Variants in CLXN observed in about 807,000 individuals in gnomAD.
The protein encoded by CLXN is calaxin, also known as EF-hand calcium binding domain 1.
chr8:48,729,121 G>C, the CLXN span: 1 of 1,613,390 alleles, frequency 6.2e-7, no homozygotes. Context: ...GTCTGCAAAA[G>C]ACAGCTTCCC....
the CLXN span, among the ~76,000 whole-genome samples, chr8:48,734,937 C>A: frequency 3.9e-5 from 6 of 152,158 alleles, no homozygotes; most frequent in Admixed American, 3.3e-4. Context: ...GGGATTCCCT[C>A]TCTGACTTCT....
chr8:48,729,029 G>C, the CLXN span: 1 of 1,590,520 alleles, frequency 6.3e-7, no homozygotes, highest in South Asian at 1.1e-5. Flanking sequence ...TTCAGGGAAA[G>C]TCATATCAAT....
chr8:48,710,902 C>T, the CLXN span: 2 of 152,230 alleles, frequency 1.3e-5, no homozygotes, highest in African/African-American at 4.8e-5. Flanking sequence ...GCTGATGTAA[C>T]TATGAGCATC....
chr8:48,727,732 A>G, the CLXN span, among the ~76,000 whole-genome samples: 2 of 152,134 alleles, frequency 1.3e-5, no homozygotes, highest in Admixed American at 6.5e-5. Context: ...TTGCATTTTA[A>G]ACATACTGGA....
the CLXN span, among the ~76,000 whole-genome samples, chr8:48,726,902 T>TATCTATCTATCC: frequency 4.4e-5 from 6 of 136,536 alleles, no homozygotes; most frequent in East Asian, 2.1e-4. Context: ...TCTATCTATC[T>TATCTATCTATCC]ATCCACCCAC....
chr8:48,721,111 C>T, the CLXN span, among the ~76,000 whole-genome samples: 1 of 152,092 alleles, frequency 6.6e-6, no homozygotes, highest in African/African-American at 2.4e-5. Context: ...AAGTGAATTT[C>T]ATAAAGCTGC....
the CLXN span, among the ~76,000 whole-genome samples, chr8:48,730,932 TTAGA>T: frequency 1.3e-5 from 2 of 152,114 alleles, no homozygotes; most frequent in African/African-American, 4.8e-5. Flanking sequence ...GTTGGTCATA[TTAGA>T]TAAATATATG....
At chr8:48,728,622 T>C in the CLXN span, among the ~76,000 whole-genome samples, 5 of 152,228 alleles carry the variant, frequency 3.3e-5, no homozygotes, top group East Asian at 3.8e-4. Flanking sequence ...CACAGGGTTA[T>C]TATGAGGATT....
At chr8:48,731,571 A>G in the CLXN span, 1 of 1,358,660 alleles carries the variant, frequency 7.4e-7, no homozygotes. Context: ...AAATTTTGCA[A>G]TAAGTTTACA....
At chr8:48,732,638 A>T in the CLXN span, among the ~76,000 whole-genome samples, 1 of 152,182 alleles carries the variant, frequency 6.6e-6, no homozygotes, top group Non-Finnish European at 1.5e-5. Context: ...ACATACTCAG[A>T]AGAACTGAAA....
At chr8:48,724,793 C>A in the CLXN span, 1 of 1,610,852 alleles carries the variant, frequency 6.2e-7, no homozygotes, top group Non-Finnish European at 8.5e-7. Flanking sequence ...CTTCAAATTC[C>A]ATCTGGCTCT....
At chr8:48,735,116 G>C in the CLXN span, 3 of 1,614,184 alleles carry the variant, frequency 1.9e-6, no homozygotes, top group Non-Finnish European at 8.5e-7. Context: ...TTTTGGTTAA[G>C]GTGTCCGTCA....
the CLXN span, chr8:48,729,945 G>A: frequency 7.0e-7 from 1 of 1,424,168 alleles, no homozygotes; most frequent in Non-Finnish European, 9.5e-7. Context: ...AACTTTTCAG[G>A]GCCAAGTTCT....
the CLXN span, chr8:48,730,446 C>T: frequency 4.2e-6 from 3 of 706,028 alleles, no homozygotes; most frequent in African/African-American, 5.5e-5. Context: ...AACCAACAAA[C>T]CCACTTTACT....
the CLXN span, among the ~76,000 whole-genome samples, chr8:48,728,040 T>C: frequency 4.6e-5 from 7 of 152,138 alleles, no homozygotes; most frequent in Admixed American, 2.6e-4. Flanking sequence ...TGAGGAGATC[T>C]AAGTGGACAT....
chr8:48,725,874 G>A, the CLXN span, among the ~76,000 whole-genome samples: 1,644 of 152,110 alleles, frequency 0.011, 13 homozygotes, highest in Admixed American at 0.022. Context: ...TTTCACTAGA[G>A]AGGGAAGAGA....
chr8:48,720,938 C>T, the CLXN span, among the ~76,000 whole-genome samples: 25 of 152,208 alleles, frequency 1.6e-4, no homozygotes, highest in Non-Finnish European at 3.4e-4. Context: ...AAAGAATGTA[C>T]ATTGAAATAT....
chr8:48,725,685 T>G, the CLXN span, among the ~76,000 whole-genome samples: 4 of 152,146 alleles, frequency 2.6e-5, no homozygotes, highest in South Asian at 2.1e-4. Context: ...ATGCCTCTAA[T>G]CCCAGCTAGT....
chr8:48,719,966 G>A, the CLXN span, among the ~76,000 whole-genome samples: 1 of 152,210 alleles, frequency 6.6e-6, no homozygotes, highest in Non-Finnish European at 1.5e-5. Context: ...GACCCCGAAT[G>A]GAGGGACCGG....
Sources: allele counts gnomAD v4.1 joint callset (sites outside exome capture counted in the v4.1 genomes callset), GRCh38; gene constraint gnomAD v4.1.1; transcripts MANE v1.5; gene names NCBI Gene and HGNC (gene_info 2026-07-23, HGNC 2026-07-21).